ADORA2B: variants seen among roughly 807,000 people sequenced by gnomAD.
ADORA2B encodes adenosine receptor A2b.
Under a neutral mutation model 20.8 loss-of-function variants are expected in ADORA2B, and 18 were observed. The ratio of observed to expected loss-of-function variants is 0.87; its 90% CI spans 0.60 to 1.29. The LOEUF is 1.29. Among genes scored for constraint, ADORA2B ranks in the 50% most tolerant of loss-of-function variants. The pLI is 0.00. For missense variants in ADORA2B, 441 were observed against 422.7 expected, an observed-to-expected ratio of 1.04 and a Z score of -0.38; for synonymous variants, 179 against 178.3, an observed-to-expected ratio of 1.00 and a Z score of -0.03.
the ADORA2B span, among the ~76,000 whole-genome samples, chr17:15,878,118 C>T: frequency 6.6e-6 from 1 of 151,518 alleles, no homozygotes; most frequent in South Asian, 2.1e-4. Flanking sequence ...TTCGTTTCTC[C>T]TGAAGGATAT....
chr17:15,910,800 C>T, the ADORA2B span, among the ~76,000 whole-genome samples: 4 of 152,188 alleles, frequency 2.6e-5, no homozygotes, highest in African/African-American at 9.7e-5. Flanking sequence ...TCCCCTCCTC[C>T]AAGCCAGACC....
At chr17:15,871,801 A>G in the ADORA2B span, among the ~76,000 whole-genome samples, 2 of 152,136 alleles carry the variant, frequency 1.3e-5, no homozygotes, top group Non-Finnish European at 2.9e-5. Context: ...TCTGGACTTA[A>G]CGCCCTGCGC....
At chr17:15,963,599 G>C (rs1970065952) in intron 1 of ADORA2B, among the ~76,000 whole-genome samples, 1 of 152,310 alleles carries the variant, frequency 6.6e-6, no homozygotes, top group Admixed American at 6.5e-5. Flanking sequence ...GGAGATCAGA[G>C]TCTGGAGCCC....
the ADORA2B span, among the ~76,000 whole-genome samples, chr17:15,857,598 G>A: frequency 6.6e-6 from 1 of 152,338 alleles, no homozygotes; most frequent in African/African-American, 2.4e-5. Context: ...CCTTGGATCA[G>A]TGTGACCTGA....
chr17:15,867,209 C>T, the ADORA2B span, among the ~76,000 whole-genome samples: 285 of 152,010 alleles, frequency 1.9e-3, 2 homozygotes, highest in African/African-American at 6.5e-3. Flanking sequence ...GCCGCCACCC[C>T]GTCTGGGAAG....
the ADORA2B span, among the ~76,000 whole-genome samples, chr17:15,901,374 A>G: frequency 6.6e-6 from 1 of 151,984 alleles, no homozygotes; most frequent in Non-Finnish European, 1.5e-5. Flanking sequence ...CTGAGGCAGG[A>G]GAATCCTTGA....
At chr17:15,915,591 G>C in the ADORA2B span, among the ~76,000 whole-genome samples, 2 of 145,304 alleles carry the variant, frequency 1.4e-5, no homozygotes, top group African/African-American at 4.9e-5. Flanking sequence ...ATAGGAGATA[G>C]ATAGGTGATA....
chr17:15,898,187 G>A, the ADORA2B span, among the ~76,000 whole-genome samples: 2 of 152,136 alleles, frequency 1.3e-5, no homozygotes, highest in African/African-American at 4.8e-5. Context: ...CCAACAGAGA[G>A]ATCAGTAAGG....
Position 15,975,304 on chromosome 17 carries a change from C to G in ADORA2B, c.961C>G (p.Gln321Glu). The G allele has an allele frequency of 6.2e-7, 1 of 1,613,170 alleles. No individual in the cohort carries two copies. The highest frequency in any genetic ancestry group is 8.5e-7 in the Non-Finnish European group (1 of 1,180,016). The part of the protein sequence containing the change: ...CQADVKSGNG[Q>E]AGVQPALGVG... The stretch of plus-strand genomic sequence containing the variant: ...AGCAGATGTCAAGAGTGGGAATGGT[C>G]AGGCTGGGGTACAGCCTGCTCTCGG... The change falls in exon 2 of 2, where the codon CAG (glutamine) becomes GAG (glutamate). Residue 321 changes from glutamine to glutamate, a missense_variant. Gln to Glu is a conservative substitution (Grantham distance 29, BLOSUM62 2). Coordinates refer to ENST00000304222, the MANE Select transcript of ADORA2B (RefSeq NM_000676.4).
chr17:15,864,421 T>C, the ADORA2B span, among the ~76,000 whole-genome samples: 2 of 151,872 alleles, frequency 1.3e-5, no homozygotes, highest in Non-Finnish European at 2.9e-5. Context: ...TCTTAGGCTC[T>C]TGATGCAATA....
chr17:15,898,628 A>G, the ADORA2B span, among the ~76,000 whole-genome samples: 2 of 151,928 alleles, frequency 1.3e-5, no homozygotes, highest in African/African-American at 2.4e-5. Flanking sequence ...CAGCCTCCCA[A>G]AGTTCTGGGA....
At chr17:15,971,873 T>C (rs1970191845) in intron 1 of ADORA2B, among the ~76,000 whole-genome samples, 1 of 152,106 alleles carries the variant, frequency 6.6e-6, no homozygotes, top group African/African-American at 2.4e-5. Context: ...CCTCAAGTGA[T>C]CCGCCTGCCT....
rs571475206 is a variant in ADORA2B, at chr17:15,964,809, C to T, written c.336-9870C>T. ...GGGCGCGGTGGCTCACGCCTGTAAC[C>T]CCAGCACTTTGGGAGGCCAAGGTGG... On this transcript the variant is annotated intron_variant, in intron 1 of 1. Coordinates refer to ENST00000304222, the MANE Select transcript of ADORA2B (RefSeq NM_000676.4). Among the ~76,000 whole-genome samples the T allele has an allele frequency of 9.2e-5, 14 of 151,574 alleles. No homozygotes were observed. The East Asian group carries it at 1.2e-3, about 13-fold the overall frequency.
the ADORA2B span, among the ~76,000 whole-genome samples, chr17:15,851,550 T>C: frequency 6.6e-6 from 1 of 152,058 alleles, no homozygotes; most frequent in East Asian, 1.9e-4. Flanking sequence ...GCAAATGCCT[T>C]CCCAGCCATG....
chr17:15,937,976 A>G, the ADORA2B span, among the ~76,000 whole-genome samples: 6 of 152,310 alleles, frequency 3.9e-5, no homozygotes, highest in East Asian at 9.6e-4. Flanking sequence ...TTGACATTTC[A>G]GGCAACTGCG....
the ADORA2B span, among the ~76,000 whole-genome samples, chr17:15,852,356 G>T: frequency 3.9e-5 from 6 of 151,954 alleles, no homozygotes; most frequent in African/African-American, 1.5e-4. Flanking sequence ...TAGAAACATG[G>T]GTTTGAATTT....
Position 15,975,150 on chromosome 17 carries a change from G to A in ADORA2B, c.807G>A (p.Lys269=), listed in dbSNP as rs78454401. The change falls in exon 2 of 2, where the codon AAG becomes AAA. Residue 269 remains lysine, a synonymous_variant. Coordinates refer to ENST00000304222, the MANE Select transcript of ADORA2B (RefSeq NM_000676.4). ...CAGCTCAGGGTAAAAATAAGCCCAA[G>A]TGGGCAATGAATATGGCCATTCTTC... ...FQPAQGKNKP[K]WAMNMAILLS... The A allele has an allele frequency of 6.2e-7, 1 of 1,614,226 alleles. No individual in the cohort carries two copies.
At chr17:15,869,009 A>G in the ADORA2B span, among the ~76,000 whole-genome samples, 10 of 151,670 alleles carry the variant, frequency 6.6e-5, no homozygotes, top group African/African-American at 2.2e-4. Flanking sequence ...ATTTACATGT[A>G]TTACTTTGTA....
the ADORA2B span, among the ~76,000 whole-genome samples, chr17:15,929,442 C>G: frequency 6.6e-6 from 1 of 152,166 alleles, no homozygotes; most frequent in Admixed American, 6.5e-5. Flanking sequence ...ACTCACTGAC[C>G]ATGCTTTTCT....
Sources: gnomAD v4.1 joint callset for allele counts (sites outside exome capture counted in the v4.1 genomes callset) on GRCh38, gnomAD v4.1.1 for gene constraint, MANE v1.5 for transcripts, NCBI Gene and HGNC (gene_info 2026-07-23, HGNC 2026-07-21) for gene names.